LPP: variants seen among roughly 807,000 people sequenced by gnomAD.
The protein encoded by LPP is lipoma-preferred partner.
LPP carries 38 observed loss-of-function variants against 60.4 expected under a neutral mutation model. That is an observed-to-expected ratio of 0.63 (90% CI 0.49 to 0.83). LPP has a LOEUF of 0.83. Among genes scored for constraint, LPP ranks in the 40% least tolerant of loss-of-function variants. LPP has a pLI of 0.00. For missense variants in LPP, 902 were observed against 783.6 expected (o/e 1.15, Z -1.80); for synonymous variants, 328 against 290.8 (o/e 1.13, Z -1.30).
At chr3:188,241,379 G>A (rs1724751888) in intron 2 of LPP, among the ~76,000 whole-genome samples, 1 of 152,216 alleles carries the variant, frequency 6.6e-6, no homozygotes, top group Admixed American at 6.5e-5. Context: ...TGTGAGACAT[G>A]CTGTGTTAGG....
intron 5 of LPP, among the ~76,000 whole-genome samples, chr3:188,507,776 A>C (rs996458741): frequency 6.6e-6 from 1 of 152,216 alleles, no homozygotes; most frequent in African/African-American, 2.4e-5. Flanking sequence ...GAAAAGGCTG[A>C]AACCTGAACT....
intron 5 of LPP, among the ~76,000 whole-genome samples, chr3:188,485,116 G>C (rs1025837956): frequency 6.6e-6 from 1 of 152,148 alleles, no homozygotes; most frequent in East Asian, 1.9e-4. Flanking sequence ...GCTGTAGTTG[G>C]TTAATGTGGA....
At chr3:188,410,088 C>T (rs1784547264) in intron 4 of LPP, among the ~76,000 whole-genome samples, 1 of 152,144 alleles carries the variant, frequency 6.6e-6, no homozygotes, top group Non-Finnish European at 1.5e-5. Flanking sequence ...GGAGTCTGAA[C>T]TTTGAGAGTC....
At chr3:188,683,061 A>G (rs1462945638) in intron 7 of LPP, among the ~76,000 whole-genome samples, 1 of 152,156 alleles carries the variant, frequency 6.6e-6, no homozygotes, top group African/African-American at 2.4e-5. Context: ...TTTTTCATCT[A>G]AAGTCCATTT....
At chr3:188,446,410 C>G (rs1795244038) in intron 4 of LPP, among the ~76,000 whole-genome samples, 1 of 152,140 alleles carries the variant, frequency 6.6e-6, no homozygotes, top group African/African-American at 2.4e-5. Context: ...ATTATCTCAG[C>G]CTTTTCTTTT....
At chr3:188,757,230 G>T (rs1227855191) in intron 8 of LPP, among the ~76,000 whole-genome samples, 1 of 139,014 alleles carries the variant, frequency 7.2e-6, no homozygotes, top group Non-Finnish European at 1.6e-5. Flanking sequence ...CTGACATCGT[G>T]ACATCGTCGA....
chr3:188,376,251 G>T (rs1336417872), intron 3 of LPP, among the ~76,000 whole-genome samples: 2 of 151,486 alleles, frequency 1.3e-5, no homozygotes, highest in Non-Finnish European at 2.9e-5. Flanking sequence ...TTCAATTCCT[G>T]GGTATCCTTG....
chr3:188,633,328 G>A (rs1008225489), intron 7 of LPP, among the ~76,000 whole-genome samples: 4 of 152,158 alleles, frequency 2.6e-5, no homozygotes, highest in African/African-American at 9.7e-5. Flanking sequence ...CTGTTGTGTT[G>A]TTTTGTCAAA....
intron 2 of LPP, among the ~76,000 whole-genome samples, chr3:188,340,497 C>A (rs570961181): frequency 6.9e-6 from 1 of 145,302 alleles, no homozygotes; most frequent in East Asian, 2.1e-4. Context: ...TTTATGTAAA[C>A]GGGACATTTT....
At position 188,874,573 on chromosome 3, in the gene LPP, T is replaced by A. The variant is rs1769025750; in HGVS notation, c.*94T>A. ...AAGGCCATCAAACTACGCGATAGTC[T>A]CTGTTCTTCATCTGCTATTAACCTT... is the stretch of plus-strand genomic sequence containing the variant. On this transcript the variant is annotated 3_prime_UTR_variant, in exon 12 of 12. Coordinates refer to ENST00000617246, the MANE Select transcript of LPP (RefSeq NM_001375462.1). 22 of 1,383,488 alleles carry A rather than the reference T, an allele frequency of 1.6e-5. No homozygotes were observed. The highest frequency in any genetic ancestry group is 2.2e-5 in the Non-Finnish European group (22 of 1,014,824). 85.7% of individuals were successfully genotyped at this position (1,383,488 alleles called of 1,614,324 possible).
chr3:188,156,444 G>T (rs555403290), intron 1 of LPP, among the ~76,000 whole-genome samples: 270 of 152,292 alleles, frequency 1.8e-3, no homozygotes, highest in Middle Eastern at 6.8e-3. Flanking sequence ...TCATTTGAGG[G>T]TTTTGAGCAG....
At chr3:188,840,322 A>G (rs1759616122) in intron 9 of LPP, among the ~76,000 whole-genome samples, 1 of 152,210 alleles carries the variant, frequency 6.6e-6, no homozygotes, top group Non-Finnish European at 1.5e-5. Flanking sequence ...ACATACAACT[A>G]CATCTTCCTC....
chr3:188,571,447 G>A (rs933344092), intron 6 of LPP, among the ~76,000 whole-genome samples: 5 of 151,246 alleles, frequency 3.3e-5, no homozygotes, highest in African/African-American at 1.2e-4. Context: ...AAGAACCCCT[G>A]AGGTCTTTCT....
At chr3:188,482,330 G>C (rs1805036167) in intron 4 of LPP, among the ~76,000 whole-genome samples, 1 of 152,156 alleles carries the variant, frequency 6.6e-6, no homozygotes, top group Admixed American at 6.5e-5. Context: ...TTTGAACTTG[G>C]AAATTAGGTT....
At chr3:188,564,561 A>T (rs1831633720) in intron 6 of LPP, among the ~76,000 whole-genome samples, 2 of 151,986 alleles carry the variant, frequency 1.3e-5, no homozygotes, top group African/African-American at 4.8e-5. Flanking sequence ...AAAATAAAGA[A>T]ATCGTTTCTT....
intron 3 of LPP, among the ~76,000 whole-genome samples, chr3:188,349,854 G>A (rs988594768): frequency 1.1e-4 from 17 of 152,204 alleles, no homozygotes; most frequent in African/African-American, 3.9e-4. Flanking sequence ...TTTCTTACTT[G>A]TAAAACTGGA....
chr3:188,647,312 G>A (rs569582501), intron 7 of LPP, among the ~76,000 whole-genome samples: 16 of 152,268 alleles, frequency 1.1e-4, no homozygotes, highest in South Asian at 4.1e-4. Flanking sequence ...GGTAAAGAGC[G>A]TCTGCTGCGG....
In LPP at chr3:188,886,548, G is replaced by A. The variant is rs1770686245; in HGVS notation, c.*12069G>A. The A allele has an allele frequency of 5.0e-6, 1 of 199,258 alleles. No homozygotes were observed. The highest frequency in any genetic ancestry group is 6.2e-5 in the Admixed American group (1 of 16,098). The allele number at this position is 199,258 out of a possible 1,614,324, so 12.3% of individuals were successfully genotyped here. ...GAGGGAATAAAAAGACAATGAGGTG[G>A]TAAATGTGAAAAAAGCAGCCTTTTA... is the stretch of plus-strand genomic sequence containing the variant. On this transcript the variant is annotated 3_prime_UTR_variant, in exon 12 of 12. Transcript: ENST00000617246.
intron 9 of LPP, among the ~76,000 whole-genome samples, chr3:188,765,861 C>CCTT (rs1560175678): frequency 1.1e-5 from 1 of 92,618 alleles, no homozygotes; most frequent in Non-Finnish European, 2.0e-5. Flanking sequence ...ATGTTCAACT[C>CCTT]TTTTTTTTTT....
Sources: gnomAD v4.1 joint callset for allele counts (sites outside exome capture counted in the v4.1 genomes callset) on GRCh38, gnomAD v4.1.1 for gene constraint, MANE v1.5 for transcripts, NCBI Gene and HGNC (gene_info 2026-07-23, HGNC 2026-07-21) for gene names.